NRXN1: variants seen among roughly 807,000 people sequenced by gnomAD.
NRXN1 encodes the protein neurexin 1.
In NRXN1, 39 loss-of-function variants were observed where a neutral mutation model predicts 150.9. The observed-to-expected ratio is 0.26, with a 90% CI of 0.20 to 0.34. The LOEUF is 0.34. Ranked by LOEUF, NRXN1 falls within the 10% of genes least tolerant of loss-of-function variation. The pLI, the probability that NRXN1 is intolerant of heterozygous loss-of-function variation, is 1.00. For synonymous variants in NRXN1, 924 were observed against 757.0 expected, an observed-to-expected ratio of 1.22 and a Z score of -3.62; for missense variants, 1,815 against 1,949.9, an observed-to-expected ratio of 0.93 and a Z score of 1.30.
At chr2:50,555,428 A>G (rs748122631) in intron 8 of NRXN1, among the ~76,000 whole-genome samples, 1 of 152,138 alleles carries the variant, frequency 6.6e-6, no homozygotes, top group Non-Finnish European at 1.5e-5. Flanking sequence ...CTTGGTGATG[A>G]AAAGGTTCAG....
chr2:50,617,828 A>T (rs985962681), intron 8 of NRXN1, among the ~76,000 whole-genome samples: 1 of 152,184 alleles, frequency 6.6e-6, no homozygotes, highest in African/African-American at 2.4e-5. Context: ...TCAATTCATA[A>T]ATTAGAGGTG....
At chr2:50,446,033 A>G (rs906617134) in intron 17 of NRXN1, among the ~76,000 whole-genome samples, 1 of 152,126 alleles carries the variant, frequency 6.6e-6, no homozygotes, top group Non-Finnish European at 1.5e-5. Flanking sequence ...AGCCTAAGAT[A>G]TTTATACTGT....
At chr2:50,818,114 CAA>C (rs199675644) in intron 5 of NRXN1, among the ~76,000 whole-genome samples, 5 of 46,702 alleles carry the variant, frequency 1.1e-4, no homozygotes, top group Non-Finnish European at 2.3e-4. Flanking sequence ...GACTCCATAG[CAA>C]AAAAAAAAAA....
intron 7 of NRXN1, chr2:50,620,889 T>C (rs1225256186): frequency 7.1e-6 from 2 of 280,740 alleles, no homozygotes; most frequent in Non-Finnish European, 1.3e-5. Context: ...TTCCATGCCA[T>C]GCATCATGAA....
chr2:50,967,927 T>G (rs775345793), intron 2 of NRXN1, among the ~76,000 whole-genome samples: 2 of 152,076 alleles, frequency 1.3e-5, no homozygotes, highest in Non-Finnish European at 2.9e-5. Flanking sequence ...AATTTTGGCA[T>G]AGCATAGAGC....
intron 18 of NRXN1, among the ~76,000 whole-genome samples, chr2:50,235,090 G>C (rs968208922): frequency 2.0e-5 from 3 of 152,068 alleles, no homozygotes; most frequent in African/African-American, 7.2e-5. Flanking sequence ...CAGAGTAAAA[G>C]TGTAATTGGT....
intron 17 of NRXN1, among the ~76,000 whole-genome samples, chr2:50,410,070 G>A (rs1236096449): frequency 6.6e-6 from 1 of 152,002 alleles, no homozygotes; most frequent in African/African-American, 2.4e-5. Context: ...ATCAGTGCCT[G>A]ATCTGACATG....
At chr2:50,233,923 T>C (rs1234652034) in intron 18 of NRXN1, among the ~76,000 whole-genome samples, 1 of 152,066 alleles carries the variant, frequency 6.6e-6, no homozygotes, top group Non-Finnish European at 1.5e-5. Context: ...TTCTCAAATC[T>C]AAATATTAAG....
chr2:50,390,560 G>C (rs1268815510), intron 17 of NRXN1, among the ~76,000 whole-genome samples: 1 of 152,150 alleles, frequency 6.6e-6, no homozygotes, highest in Non-Finnish European at 1.5e-5. Context: ...GTTTGACTGT[G>C]TTCCCCAAAG....
chr2:50,698,553 A>G (rs1226673184), intron 5 of NRXN1, among the ~76,000 whole-genome samples: 1 of 152,266 alleles, frequency 6.6e-6, no homozygotes, highest in Non-Finnish European at 1.5e-5. Context: ...ATTAATAAAT[A>G]TATAAATGTT....
At chr2:50,354,586 T>TATATATATATATACAC (rs1273118975) in intron 17 of NRXN1, among the ~76,000 whole-genome samples, 39 of 124,826 alleles carry the variant, frequency 3.1e-4, no homozygotes, top group African/African-American at 6.4e-4. Context: ...TATATATATA[T>TATATATATATATACAC]ACACACACAC....
chr2:50,084,602 C>A (rs532537451), intron 19 of NRXN1, among the ~76,000 whole-genome samples: 7 of 152,192 alleles, frequency 4.6e-5, no homozygotes, highest in Admixed American at 3.3e-4. Flanking sequence ...TCCACACCCC[C>A]CGCAGGCTGA....
chr2:50,787,866 T>TGCCA (rs1286268089), intron 5 of NRXN1, among the ~76,000 whole-genome samples: 1 of 152,034 alleles, frequency 6.6e-6, no homozygotes, highest in Non-Finnish European at 1.5e-5. Context: ...AGTCCATGAT[T>TGCCA]GCCAATTCTT....
At chr2:50,972,097 A>AC (rs1189017609) in intron 2 of NRXN1, among the ~76,000 whole-genome samples, 1 of 152,074 alleles carries the variant, frequency 6.6e-6, no homozygotes, top group Non-Finnish European at 1.5e-5. Flanking sequence ...CAAAAAAAAA[A>AC]AATTATTTGC....
chr2:50,922,894 C>T (rs1035964612), intron 3 of NRXN1, among the ~76,000 whole-genome samples: 18 of 151,854 alleles, frequency 1.2e-4, no homozygotes, highest in African/African-American at 4.3e-4. Context: ...TAAACACTGG[C>T]ATATGCTGCA....
chr2:50,518,771 CT>C (rs1433488644), intron 12 of NRXN1, among the ~76,000 whole-genome samples: 2 of 151,300 alleles, frequency 1.3e-5, no homozygotes, highest in Admixed American at 1.3e-4. Flanking sequence ...ATGAATTTAC[CT>C]TTTACTTTCC....
chr2:50,849,557 A>G (rs1176757505), intron 5 of NRXN1, among the ~76,000 whole-genome samples: 2 of 152,054 alleles, frequency 1.3e-5, no homozygotes, highest in African/African-American at 2.4e-5. Context: ...ATACTTTTCC[A>G]CTTGCTCACC....
rs534090934 is a variant in NRXN1 at position 50,168,696 on chromosome 2, C to A, written c.3546+68093G>T. Among the ~76,000 whole-genome samples, 3 of 152,242 alleles carry A rather than the reference C, an allele frequency of 2.0e-5. No individual in the cohort carries two copies. In the South Asian group the frequency reaches 6.2e-4, roughly 32 times the overall value. ...AGAAATTTCATGGCCAGAGGCCAAC[C>A]AACACTTTATAAAAGCCCTCTGGAC... is the stretch of plus-strand genomic sequence containing the variant. On this transcript the variant is annotated intron_variant, in intron 18 of 22. Coordinates refer to ENST00000401669, the MANE Select transcript of NRXN1 (RefSeq NM_001330078.2).
intron 2 of NRXN1, among the ~76,000 whole-genome samples, chr2:51,007,266 A>C (rs1372441437): frequency 6.6e-6 from 1 of 151,978 alleles, no homozygotes; most frequent in African/African-American, 2.4e-5. Context: ...GAAATACAGA[A>C]AGGGTATTCA....
Sources: allele counts gnomAD v4.1 joint callset (sites outside exome capture counted in the v4.1 genomes callset), GRCh38; gene constraint gnomAD v4.1.1; transcripts MANE v1.5; gene names NCBI Gene and HGNC (gene_info 2026-07-23, HGNC 2026-07-21).